The following EPHB1 variants were observed in gnomAD, a reference collection of about 807,000 sequenced individuals.
EPHB1 encodes EPH receptor B1.
In EPHB1, 30 loss-of-function variants were observed where a neutral mutation model predicts 94.4. That is an observed-to-expected ratio of 0.32 (90% CI 0.24 to 0.43). The LOEUF (loss-of-function observed/expected upper bound fraction) is 0.43, where lower values mean the gene tolerates loss of function less well. Ranked by LOEUF, EPHB1 falls within the 20% of genes least tolerant of loss-of-function variation. The pLI is 1.00. For missense variants in EPHB1, 1,055 were observed against 1,308.3 expected (o/e 0.81, Z 2.99); for synonymous variants, 522 against 489.1 (o/e 1.07, Z -0.89).
chr3:134,992,584 G>A (rs1259026170), intron 3 of EPHB1, among the ~76,000 whole-genome samples: 1 of 152,318 alleles, frequency 6.6e-6, no homozygotes, highest in South Asian at 2.1e-4. Flanking sequence ...CCTGCACAGC[G>A]GAAGGGTCTT....
intron 3 of EPHB1, among the ~76,000 whole-genome samples, chr3:135,043,130 T>C (rs766729441): frequency 9.2e-5 from 14 of 152,096 alleles, no homozygotes; most frequent in Non-Finnish European, 1.9e-4. Context: ...GTGTGAGCCA[T>C]TGTGCCTGGC....
intron 3 of EPHB1, among the ~76,000 whole-genome samples, chr3:135,058,891 T>C (rs1937417975): frequency 6.6e-6 from 1 of 152,178 alleles, no homozygotes; most frequent in African/African-American, 2.4e-5. Context: ...AATGGAGGGT[T>C]TAGTATGAAC....
chr3:134,986,886 T>G (rs1934620245), intron 3 of EPHB1, among the ~76,000 whole-genome samples: 1 of 152,212 alleles, frequency 6.6e-6, no homozygotes. Context: ...TGAAAATTAT[T>G]GCAAAAATTC....
rs529067432 is a variant in EPHB1, at chr3:135,042,069, C to T, written c.806-64379C>T. ...TCAGCCACCTGAGTAGCTGAGACTA[C>T]AGGCCTGCACCACTATGCCAGCTAA... On this transcript the variant is annotated intron_variant, in intron 3 of 15. Coordinates refer to ENST00000398015, the MANE Select transcript of EPHB1 (RefSeq NM_004441.5). 2.6e-5 allele frequency among the ~76,000 whole-genome samples: 4 copies of T among 152,326 alleles called. No homozygotes were observed. In the East Asian group the frequency reaches 5.8e-4, roughly 22 times the overall value.
chr3:135,109,970 T>C (rs1939376122), intron 4 of EPHB1, among the ~76,000 whole-genome samples: 3 of 152,118 alleles, frequency 2.0e-5, no homozygotes, highest in African/African-American at 7.2e-5. Flanking sequence ...AGGAACACAC[T>C]CGGAGGTGAA....
chr3:135,153,202 A>G (rs1941247289), intron 5 of EPHB1, among the ~76,000 whole-genome samples: 1 of 152,156 alleles, frequency 6.6e-6, no homozygotes, highest in South Asian at 2.1e-4. Flanking sequence ...CGGTCCCCAG[A>G]GAAACCATTG....
chr3:135,068,905 C>T (rs531776065), intron 3 of EPHB1, among the ~76,000 whole-genome samples: 2 of 151,626 alleles, frequency 1.3e-5, no homozygotes, highest in South Asian at 4.2e-4. Context: ...GCCCCGGCCT[C>T]CCAAAGTGCT....
At chr3:135,080,367 C>G (rs1938122132) in intron 3 of EPHB1, among the ~76,000 whole-genome samples, 1 of 152,134 alleles carries the variant, frequency 6.6e-6, no homozygotes, top group Non-Finnish European at 1.5e-5. Flanking sequence ...AATTCTGCCC[C>G]AAACCAAAAC....
At chr3:134,857,570 G>C (rs1362328857) in intron 1 of EPHB1, among the ~76,000 whole-genome samples, 4 of 152,074 alleles carry the variant, frequency 2.6e-5, no homozygotes. Context: ...AAGGAAGTTG[G>C]GCCTGGTGGG....
chr3:135,128,663 T>C (rs1476717143), intron 4 of EPHB1, among the ~76,000 whole-genome samples: 1 of 152,216 alleles, frequency 6.6e-6, no homozygotes, highest in Non-Finnish European at 1.5e-5. Context: ...AATAATTTCA[T>C]TTATTTCTCT....
intron 3 of EPHB1, among the ~76,000 whole-genome samples, chr3:135,083,496 AG>A (rs1938232161): frequency 6.6e-6 from 1 of 152,112 alleles, no homozygotes; most frequent in Admixed American, 6.5e-5. Flanking sequence ...CCACAGGAAA[AG>A]TCCAATAGAC....
At chr3:135,212,527 T>A (rs1298471882) in intron 12 of EPHB1, among the ~76,000 whole-genome samples, 1 of 152,220 alleles carries the variant, frequency 6.6e-6, no homozygotes, top group African/African-American at 2.4e-5. Flanking sequence ...TTTATGGTTT[T>A]CAATCCGTCT....
chr3:135,019,133 C>T (rs181925570), intron 3 of EPHB1, among the ~76,000 whole-genome samples: 3 of 152,278 alleles, frequency 2.0e-5, no homozygotes. Context: ...ACACCCCATA[C>T]CTCAGACCCC....
At chr3:134,858,638 G>C (rs2037176800) in intron 1 of EPHB1, among the ~76,000 whole-genome samples, 1 of 152,192 alleles carries the variant, frequency 6.6e-6, no homozygotes, top group African/African-American at 2.4e-5. Flanking sequence ...CTGCAGGAAA[G>C]CGTCTCTGCT....
At chr3:135,249,223 T>G in intron 14 of EPHB1, 113 bp from the exon 15 acceptor site, 1 of 1,261,066 alleles carries the variant, frequency 7.9e-7, no homozygotes, top group Non-Finnish European at 1.1e-6. Flanking sequence ...TCCACTATAA[T>G]CCTCATTCCA....
At chr3:134,925,938 A>C in intron 2 of EPHB1, 58 bp downstream of exon 2, 1 of 1,482,528 alleles carries the variant, frequency 6.7e-7, no homozygotes. Context: ...TCCATATGAT[A>C]TCTAGGGGAG....
chr3:135,247,386 T>C (rs35533080), intron 13 of EPHB1, among the ~76,000 whole-genome samples: 14,873 of 152,294 alleles, frequency 0.098, 789 homozygotes, highest in Middle Eastern at 0.2. Context: ...TTTGTAGTAT[T>C]ACTTTAAGGC....
chr3:135,039,166 A>G (rs1936745088), intron 3 of EPHB1, among the ~76,000 whole-genome samples: 1 of 151,014 alleles, frequency 6.6e-6, no homozygotes, highest in Admixed American at 6.6e-5. Context: ...CAGAGTGCCG[A>G]TTGGTGTATT....
chr3:134,925,167 C>A (rs1187835905), intron 1 of EPHB1, among the ~76,000 whole-genome samples: 1 of 152,210 alleles, frequency 6.6e-6, no homozygotes, highest in Non-Finnish European at 1.5e-5. Context: ...CTGTGGCCAC[C>A]CTTGCCACTT....
Sources: gnomAD v4.1 joint callset for allele counts (sites outside exome capture counted in the v4.1 genomes callset) on GRCh38, gnomAD v4.1.1 for gene constraint, MANE v1.5 for transcripts, NCBI Gene and HGNC (gene_info 2026-07-23, HGNC 2026-07-21) for gene names.